FHOD3: variants seen among roughly 807,000 people sequenced by gnomAD.
FHOD3 encodes FH1/FH2 domain-containing protein 3.
FHOD3 carries 90 observed loss-of-function variants against 173.0 expected under a neutral mutation model. The observed-to-expected ratio is 0.52, with a 90% CI of 0.44 to 0.62. FHOD3 has a LOEUF of 0.62. FHOD3 is among the 20% of genes least tolerant of loss of function. FHOD3 has a pLI of 0.00. For missense variants in FHOD3, 1,945 were observed against 2,034.7 expected (o/e 0.96, Z 0.85); for synonymous variants, 828 against 823.0 (o/e 1.01, Z -0.10).
intron 3 of FHOD3, among the ~76,000 whole-genome samples, chr18:36,418,169 C>T (rs2049774837): frequency 6.6e-6 from 1 of 152,184 alleles, no homozygotes; most frequent in Non-Finnish European, 1.5e-5. Flanking sequence ...TTTGGAAATG[C>T]TGTGGCTTCA....
chr18:36,701,820 C>T (rs1182130946), intron 17 of FHOD3, among the ~76,000 whole-genome samples: 1 of 152,140 alleles, frequency 6.6e-6, no homozygotes, highest in Admixed American at 6.5e-5. Flanking sequence ...TATAAGGTAG[C>T]ACTGTCCAAA....
At chr18:36,541,205 C>T (rs1403133994) in intron 5 of FHOD3, among the ~76,000 whole-genome samples, 6 of 142,908 alleles carry the variant, frequency 4.2e-5, no homozygotes, top group Non-Finnish European at 6.0e-5. Context: ...GAGCCAAGAT[C>T]GCACCACTGC....
chr18:36,703,378 A>C lies in FHOD3; in HGVS notation c.2237-5717A>C, dbSNP rs796088084. ...TGCGGGAGTCAGCATCCTCAGGCAC[A>C]GAGCAGAACAGAGCATGGATCAAAC... On this transcript the variant is annotated intron_variant, in intron 17 of 28. Coordinates refer to ENST00000590592, the MANE Select transcript of FHOD3 (RefSeq NM_001281740.3). 4.7e-4 allele frequency among the ~76,000 whole-genome samples: 71 copies of C among 152,352 alleles called. 1 individual carries two copies. Among genetic ancestry groups the C allele is most frequent in the African/African-American group, 1.7e-3 (69 of 41,590 alleles).
intron 5 of FHOD3, among the ~76,000 whole-genome samples, chr18:36,536,347 G>T (rs926143529): frequency 1.3e-5 from 2 of 152,202 alleles, no homozygotes; most frequent in Admixed American, 6.5e-5. Flanking sequence ...GCGACACTTT[G>T]ATTTTAAACC....
rs923242540 is a variant in FHOD3, at chr18:36,740,822, A to G, written c.3743A>G (p.Tyr1248Cys). 6.2e-7 allele frequency: 1 copy of G among 1,610,028 alleles called. No homozygotes were observed. The highest frequency in any genetic ancestry group is 8.5e-7 in the Non-Finnish European group (1 of 1,179,034). ...CACCTCTGGGCATTCAAAATGGATT[A>G]TGAAACTACAGAAAAGGTAAGCTCT... is the stretch of plus-strand genomic sequence containing the variant. ...RLHLWAFKMD[Y>C]ETTEKEVAEP... Residue 1248 changes from tyrosine to cysteine, a missense_variant, in exon 21 of 29, where the codon TAT becomes TGT. Around this residue, in one of 5 missense-constraint regions of FHOD3, gnomAD observed 231 missense variants for 321.9 expected, o/e 0.72. Transcript: ENST00000590592.
At chr18:36,624,105 C>T (rs2033915185) in intron 9 of FHOD3, among the ~76,000 whole-genome samples, 1 of 152,142 alleles carries the variant, frequency 6.6e-6, no homozygotes, top group African/African-American at 2.4e-5. Flanking sequence ...TGTGTTATTC[C>T]ATGGTTGCGA....
intron 13 of FHOD3, among the ~76,000 whole-genome samples, chr18:36,657,391 CAG>C (rs1400671458): frequency 6.6e-6 from 1 of 152,200 alleles, no homozygotes; most frequent in Non-Finnish European, 1.5e-5. Flanking sequence ...GTCTGAAAAA[CAG>C]AAATCTAGAA....
At chr18:36,411,128 T>G (rs2146887849) in intron 3 of FHOD3, among the ~76,000 whole-genome samples, 1 of 152,340 alleles carries the variant, frequency 6.6e-6, no homozygotes, top group South Asian at 2.1e-4. Context: ...TCTCTAAGAC[T>G]TTTATCATTT....
chr18:36,330,838 A>ATGAGTGAGTGAG lies in FHOD3; in HGVS notation c.166-24680_166-24669dup, dbSNP rs34029107. ...GCATCAGAGCTGGAATCTTTTTCTG[A>ATGAGTGAGTGAG]TGAGTGAGTGAGTGAGTGAGTGAGT... is the stretch of plus-strand genomic sequence containing the variant. On this transcript the variant is annotated intron_variant, in intron 1 of 28. Coordinates refer to ENST00000590592, the MANE Select transcript of FHOD3 (RefSeq NM_001281740.3). 3.8e-3 allele frequency among the ~76,000 whole-genome samples: 576 copies of ATGAGTGAGTGAG among 151,214 alleles called. 3 individuals carry two copies. The highest frequency in any genetic ancestry group is 0.013 in the African/African-American group (541 of 41,014).
At chr18:36,320,508 A>G (rs1268623531) in intron 1 of FHOD3, among the ~76,000 whole-genome samples, 1 of 152,238 alleles carries the variant, frequency 6.6e-6, no homozygotes, top group African/African-American at 2.4e-5. Flanking sequence ...TACCAACAAA[A>G]AGAAGTCTAG....
chr18:36,343,177 A>C (rs1381133817), intron 1 of FHOD3, among the ~76,000 whole-genome samples: 2 of 152,260 alleles, frequency 1.3e-5, no homozygotes, highest in Admixed American at 6.5e-5. Flanking sequence ...AGGTGAAAGC[A>C]TATGTCTACA....
chr18:36,643,804 G>C (rs1321553760), intron 10 of FHOD3, among the ~76,000 whole-genome samples: 2 of 152,068 alleles, frequency 1.3e-5, no homozygotes, highest in African/African-American at 4.8e-5. Context: ...ATATATTCTT[G>C]ATTTGAGTTT....
intron 10 of FHOD3, among the ~76,000 whole-genome samples, chr18:36,632,062 C>T (rs549250221): frequency 3.3e-5 from 5 of 152,242 alleles, no homozygotes; most frequent in African/African-American, 7.2e-5. Flanking sequence ...TGCACATACA[C>T]GTTTGTGAGC....
Position 36,434,618 on chromosome 18 carries a change from G to A in FHOD3, c.337+61874G>A, listed in dbSNP as rs562899111. Among the ~76,000 whole-genome samples the A allele has an allele frequency of 2.6e-5, 4 of 152,186 alleles. No homozygotes were observed. In the South Asian group the frequency reaches 8.3e-4, roughly 32 times the overall value. Reference sequence around the variant, plus strand: ...AAAATCTGGGATTTTTATTGGGATTGCAGTGAAAGTGAATCTGTAGATCAA... The same window carrying A: ...AAAATCTGGGATTTTTATTGGGATTACAGTGAAAGTGAATCTGTAGATCAA... On this transcript the variant is annotated intron_variant, in intron 3 of 28. Transcript: ENST00000590592.
At chr18:36,439,091 A>G (rs2050978377) in intron 3 of FHOD3, among the ~76,000 whole-genome samples, 1 of 152,192 alleles carries the variant, frequency 6.6e-6, no homozygotes, top group Non-Finnish European at 1.5e-5. Context: ...GAGATGCTAA[A>G]TGGGAAAAAA....
intron 1 of FHOD3, among the ~76,000 whole-genome samples, chr18:36,327,787 C>A (rs948473306): frequency 1.3e-5 from 2 of 152,204 alleles, no homozygotes; most frequent in African/African-American, 4.8e-5. Context: ...TACAAAGGGC[C>A]ACATAGTATT....
chr18:36,751,808 C>T (rs1164582810), intron 24 of FHOD3, among the ~76,000 whole-genome samples: 1 of 152,130 alleles, frequency 6.6e-6, no homozygotes, highest in East Asian at 1.9e-4. Context: ...TCTGGATGTA[C>T]AGACCCACCC....
At chr18:36,636,540 C>G (rs190522178) in intron 10 of FHOD3, among the ~76,000 whole-genome samples, 1 of 152,074 alleles carries the variant, frequency 6.6e-6, no homozygotes, top group African/African-American at 2.4e-5. Flanking sequence ...CCCGAGAGAG[C>G]ATACTTCCCA....
intron 6 of FHOD3, among the ~76,000 whole-genome samples, chr18:36,590,957 T>A (rs1346621722): frequency 6.6e-6 from 1 of 152,022 alleles, no homozygotes; most frequent in African/African-American, 2.4e-5. Flanking sequence ...TGAGACCAGC[T>A]AATGGGGGGA....
Sources: gnomAD v4.1 joint callset for allele counts (sites outside exome capture counted in the v4.1 genomes callset) on GRCh38, gnomAD v4.1.1 for gene constraint, gnomAD v4.1.1 regional missense constraint, MANE v1.5 for transcripts, NCBI Gene and HGNC (gene_info 2026-07-23, HGNC 2026-07-21) for gene names.